The following SGCG variants were observed in gnomAD, a reference collection of about 807,000 sequenced individuals.
SGCG encodes gamma-sarcoglycan.
A neutral mutation model predicts 29.3 loss-of-function variants in SGCG; 26 were observed. The observed-to-expected ratio is 0.89, with a 90% CI of 0.65 to 1.23. The LOEUF is 1.23. SGCG is among the 50% of genes most tolerant of loss of function. The probability of loss-of-function intolerance (pLI) is 0.00; values close to 1 mark genes in which losing one functional copy is unlikely to be tolerated. For synonymous variants in SGCG, 145 were observed against 129.7 expected (o/e 1.12, Z -0.80); for missense variants, 353 against 356.0 (o/e 0.99, Z 0.07).
intron 6 of SGCG, among the ~76,000 whole-genome samples, chr13:23,301,103 G>A (rs7995882): frequency 0.72 from 109,568 of 151,734 alleles, 41,433 homozygotes; most frequent in East Asian, 0.89. Flanking sequence ...GCGACAGAGC[G>A]AGACTCCATC....
At chr13:23,201,568 G>T (rs1415315738) in intron 1 of SGCG, among the ~76,000 whole-genome samples, 2 of 152,086 alleles carry the variant, frequency 1.3e-5, no homozygotes, top group African/African-American at 4.8e-5. Context: ...GCTGGAAAAG[G>T]CAAGCAACGT....
At chr13:23,203,023 G>A (rs1424731248) in intron 1 of SGCG, among the ~76,000 whole-genome samples, 14 of 151,874 alleles carry the variant, frequency 9.2e-5, no homozygotes, top group East Asian at 1.9e-4. Flanking sequence ...GCAGTGGCGC[G>A]ATCTCTGCTC....
chr13:23,239,070 CT>C (rs1423727243), intron 3 of SGCG, among the ~76,000 whole-genome samples: 1 of 151,996 alleles, frequency 6.6e-6, no homozygotes, highest in African/African-American at 2.4e-5. Flanking sequence ...ATAAAGTGTA[CT>C]TTTTTTCCAA....
intron 2 of SGCG, among the ~76,000 whole-genome samples, chr13:23,233,678 A>G (rs1002039948): frequency 1.3e-5 from 2 of 152,206 alleles, no homozygotes; most frequent in Non-Finnish European, 2.9e-5. Flanking sequence ...AGATGGTAAA[A>G]TGTATGTAAC....
chr13:23,280,052 G>A (rs1217054947), intron 5 of SGCG, among the ~76,000 whole-genome samples: 1 of 151,920 alleles, frequency 6.6e-6, no homozygotes, highest in African/African-American at 2.4e-5. Flanking sequence ...TCTAATTGGA[G>A]TAACCCACAG....
rs750729655 is a variant in SGCG at position 23,324,378 on chromosome 13, A to C, written c.713A>C (p.Asp238Ala). 1 of 1,614,162 alleles carries C rather than the reference A, an allele frequency of 6.2e-7. No individual in the cohort carries two copies. The highest frequency in any genetic ancestry group is 8.5e-7 in the Non-Finnish European group (1 of 1,180,026). ...FHSSDGMLVL[D>A]AETVCLPKLV... ...TCTTCTCCCAACCAGCTTGTGCTTG[A>C]TGCTGAAACTGTGTGCTTACCCAAG... is the stretch of plus-strand genomic sequence containing the variant. Residue 238 changes from aspartate to alanine, a missense_variant, in exon 8 of 8, where the codon GAT (aspartate) becomes GCT (alanine). Transcript: ENST00000218867.
chr13:23,226,772 T>A (rs897519010), intron 2 of SGCG, among the ~76,000 whole-genome samples: 1 of 152,132 alleles, frequency 6.6e-6, no homozygotes, highest in Non-Finnish European at 1.5e-5. Flanking sequence ...ATGCAAAGTG[T>A]TCAGTGGGTA....
intron 5 of SGCG, 73 bp from the exon 6 acceptor site, chr13:23,295,342 A>G (rs1197879378): frequency 8.5e-7 from 1 of 1,170,036 alleles, no homozygotes; most frequent in African/African-American, 1.5e-5. Context: ...TTTAATATCT[A>G]GGCTAAATGT....
rs1319302933 is a variant in SGCG, at chr13:23,300,939, C to A, written c.578+5452C>A. ...GACCATCCTGGCTAACACGGTGAAACCCCATCTCTACGAAAAATACAAAAG... is the reference window on the plus strand; with the variant it reads ...GACCATCCTGGCTAACACGGTGAAAACCCATCTCTACGAAAAATACAAAAG... On this transcript the variant is annotated intron_variant, in intron 6 of 7. Transcript: ENST00000218867. Among the ~76,000 whole-genome samples, 7 of 151,834 alleles carry A rather than the reference C, an allele frequency of 4.6e-5. No individual in the cohort carries two copies. The South Asian group carries it at 1.2e-3, about 27-fold the overall frequency.
chr13:23,250,602 T>C, intron 3 of SGCG, 28 bp from the exon 4 acceptor site: 1 of 1,261,004 alleles, frequency 7.9e-7, no homozygotes, highest in Non-Finnish European at 1.2e-6. Flanking sequence ...CAGCACCTAT[T>C]TTGCAAATTT....
At chr13:23,322,103 A>C (rs1162307764) in intron 7 of SGCG, among the ~76,000 whole-genome samples, 2 of 152,160 alleles carry the variant, frequency 1.3e-5, no homozygotes, top group African/African-American at 4.8e-5. Flanking sequence ...CATATGTATG[A>C]ATGTGCTCAA....
At chr13:23,217,276 T>C (rs1465574663) in intron 2 of SGCG, among the ~76,000 whole-genome samples, 2 of 152,164 alleles carry the variant, frequency 1.3e-5, no homozygotes, top group African/African-American at 4.8e-5. Context: ...CAGAGCTACA[T>C]GTTGTATCTA....
At chr13:23,164,673 G>T in the SGCG span, among the ~76,000 whole-genome samples, 4 of 152,100 alleles carry the variant, frequency 2.6e-5, no homozygotes, top group Admixed American at 2.0e-4. Context: ...GGCAAGAAAG[G>T]ATGCAAGAGA....
chr13:23,266,495 G>C (rs1880646579), intron 4 of SGCG, among the ~76,000 whole-genome samples: 1 of 152,092 alleles, frequency 6.6e-6, no homozygotes, highest in South Asian at 2.1e-4. Context: ...ATTAAGCTAT[G>C]GGTATGCGAA....
At chr13:23,247,946 C>T (rs1369225817) in intron 3 of SGCG, among the ~76,000 whole-genome samples, 7 of 131,662 alleles carry the variant, frequency 5.3e-5, no homozygotes, top group African/African-American at 2.1e-4. Context: ...AGTGAAACTC[C>T]CATCTCTTAA....
intron 3 of SGCG, among the ~76,000 whole-genome samples, chr13:23,239,794 T>A (rs1269147233): frequency 6.6e-6 from 1 of 152,122 alleles, no homozygotes; most frequent in East Asian, 1.9e-4. Context: ...ATGCTTAGTA[T>A]ATCTAAAGTA....
rs563229569 is a variant in SGCG, at chr13:23,298,000, C to T, written c.578+2513C>T. ...GCTCAGGTGATCTGCTCACCTTGGC[C>T]TCCCAAAGTGCTGGGATTACAGGCA... On this transcript the variant is annotated intron_variant, in intron 6 of 7. Transcript: ENST00000218867. 5.9e-5 allele frequency among the ~76,000 whole-genome samples: 9 copies of T among 151,964 alleles called. No individual in the cohort carries two copies. In the South Asian group the frequency reaches 1.9e-3, roughly 32 times the overall value.
chr13:23,247,308 A>G (rs1341186855), intron 3 of SGCG: 2 of 152,266 alleles, frequency 1.3e-5, no homozygotes, highest in African/African-American at 4.8e-5. Context: ...GTTGGCATGG[A>G]GTAAACCAGG....
intron 4 of SGCG, among the ~76,000 whole-genome samples, chr13:23,252,651 A>G (rs1315117634): frequency 1.3e-5 from 2 of 152,300 alleles, no homozygotes; most frequent in East Asian, 3.9e-4. Context: ...AGATCGCATC[A>G]CTGCACTCCA....
Sources: gnomAD v4.1 joint callset for allele counts (sites outside exome capture counted in the v4.1 genomes callset) on GRCh38, gnomAD v4.1.1 for gene constraint, MANE v1.5 for transcripts, NCBI Gene and HGNC (gene_info 2026-07-23, HGNC 2026-07-21) for gene names.